The following PCDH17 variants were observed in gnomAD, a reference collection of about 807,000 sequenced individuals.
The protein encoded by PCDH17 is protocadherin-17.
In PCDH17, 21 loss-of-function variants were observed where a neutral mutation model predicts 67.7. That is an observed-to-expected ratio of 0.31 (90% CI 0.22 to 0.45). The LOEUF is 0.45. PCDH17 is among the 20% of genes least tolerant of loss of function. The pLI is 1.00. For synonymous variants in PCDH17, 701 were observed against 656.7 expected (o/e 1.07, Z -1.03); for missense variants, 1,471 against 1,564.8 (o/e 0.94, Z 1.01).
intron 3 of PCDH17, among the ~76,000 whole-genome samples, chr13:57,721,770 C>T (rs1955873822): frequency 6.6e-6 from 1 of 152,000 alleles, no homozygotes; most frequent in African/African-American, 2.4e-5. Context: ...CTTTGTTTTG[C>T]TTCTTTCCCT....
intron 1 of PCDH17, among the ~76,000 whole-genome samples, chr13:57,656,231 T>C (rs1025630715): frequency 1.3e-5 from 2 of 152,174 alleles, no homozygotes; most frequent in Non-Finnish European, 2.9e-5. Flanking sequence ...AGTGACATTA[T>C]AAACATGCAT....
chr13:57,725,006 G>A lies in PCDH17; in HGVS notation c.3192G>A (p.Leu1064=). ...GCTGTGAAGCAAAACCAGGAGCCCT[G>A]GCTGAAGCAAGCAGTCAGTACTTGC... The part of the protein sequence containing the change: ...LDGCEAKPGA[L]AEASSQYLPT... The change falls in exon 4 of 4, where the codon CTG becomes CTA. Residue 1064 remains leucine, a synonymous_variant. Transcript: ENST00000377918. The A allele has an allele frequency of 6.2e-7, 1 of 1,614,166 alleles. No individual in the cohort carries two copies. The highest frequency in any genetic ancestry group is 8.5e-7 in the Non-Finnish European group (1 of 1,180,020).
chr13:57,723,576 A>G (rs1425835337), intron 3 of PCDH17, among the ~76,000 whole-genome samples: 1 of 151,978 alleles, frequency 6.6e-6, no homozygotes, highest in East Asian at 1.9e-4. Flanking sequence ...CCATTACATA[A>G]AGGTAAATTG....
Position 57,634,366 on chromosome 13 carries a change from T to C in PCDH17, c.1820T>C (p.Val607Ala). Reference protein sequence around the residue: ...VPRNAGLGYLVSTVRALDSDF... With the variant: ...VPRNAGLGYLASTVRALDSDF... ...CGCAACGCTGGCCTGGGCTATCTGG[T>C]GAGCACTGTGCGCGCCCTAGACAGC... The change falls in exon 1 of 4, where the codon GTG (valine) becomes GCG (alanine). Residue 607 changes from valine (V) to alanine (A), a missense_variant. By Grantham distance (64) the Val-to-Ala change is moderately conservative. Coordinates refer to ENST00000377918, the MANE Select transcript of PCDH17 (RefSeq NM_001040429.3). The surrounding 1 kb of genome is among the most constrained non-coding windows in gnomAD (Gnocchi z 7.8). 6.2e-7 allele frequency: 1 copy of C among 1,612,556 alleles called. No individual in the cohort carries two copies. Among genetic ancestry groups the C allele is most frequent in the Non-Finnish European group, 8.5e-7 (1 of 1,179,900 alleles).
Position 57,666,484 on chromosome 13 carries a change from C to T in PCDH17, c.2582C>T (p.Ala861Val), listed in dbSNP as rs779599944. ...CTTTCACAGACAGACAATTTTCCCG[C>T]AGAGCCCAATTACATGGGCAGCAGG... ...MSIIQTDNFP[A>V]EPNYMGSRQQ... The change falls in exon 2 of 4, where the codon GCA becomes GTA. Residue 861 changes from alanine (A) to valine (V), a missense_variant. Ala to Val is a moderately conservative substitution (Grantham distance 64, BLOSUM62 0). Around this residue, in one of 3 missense-constraint regions of PCDH17, gnomAD observed 1,163 missense variants for 1,230.0 expected, o/e 0.95. Transcript: ENST00000377918. 1.9e-6 allele frequency: 3 copies of T among 1,613,602 alleles called. No individual in the cohort carries two copies. Among genetic ancestry groups the T allele is most frequent in the East Asian group, 2.2e-5 (1 of 44,882 alleles).
intron 3 of PCDH17, among the ~76,000 whole-genome samples, chr13:57,697,839 ACTC>A (rs1304439848): frequency 6.6e-6 from 1 of 151,336 alleles, no homozygotes; most frequent in Non-Finnish European, 1.5e-5. Flanking sequence ...CAGAACCAAA[ACTC>A]CTAGTTGGGG....
At chr13:57,668,751 CA>C (rs1416695220) in intron 3 of PCDH17, among the ~76,000 whole-genome samples, 3 of 151,930 alleles carry the variant, frequency 2.0e-5, no homozygotes, top group Non-Finnish European at 4.4e-5. Flanking sequence ...TTAGTAAATA[CA>C]GGAAAATTAT....
rs1954736386 is a variant in PCDH17, at chr13:57,632,351, TC to T, written c.-195del. Reference sequence around the variant, plus strand: ...TCTCACCCAGTGCGGATGCTGTAGATCAACAGGTTCAGGGAACTTGAGCAGA... The same window carrying T: ...TCTCACCCAGTGCGGATGCTGTAGATAACAGGTTCAGGGAACTTGAGCAGA... On this transcript the variant is annotated 5_prime_UTR_variant, in exon 1 of 4. Transcript: ENST00000377918. The T allele has an allele frequency of 1.6e-6, 1 of 606,998 alleles. No homozygotes were observed. Among genetic ancestry groups the T allele is most frequent in the African/African-American group, 1.9e-5 (1 of 53,994 alleles). The allele number at this position is 606,998 out of a possible 1,614,324, so 37.6% of individuals were successfully genotyped here. A position where few individuals can be genotyped will look rare whatever the true frequency, so the allele number is the denominator to read the frequency against.
intron 3 of PCDH17, among the ~76,000 whole-genome samples, chr13:57,697,865 TAAATA>T (rs1396072755): frequency 6.6e-6 from 1 of 151,532 alleles, no homozygotes; most frequent in Admixed American, 6.6e-5. Context: ...TACTTCACAT[TAAATA>T]AACTTAAATT....
At chr13:57,651,508 T>TTA (rs1312731891) in intron 1 of PCDH17, among the ~76,000 whole-genome samples, 1 of 152,002 alleles carries the variant, frequency 6.6e-6, no homozygotes, top group African/African-American at 2.4e-5. Flanking sequence ...TGGCTAACTT[T>TTA]TATATTTTTT....
chr13:57,635,132 C>G, intron 1 of PCDH17, 21 bp downstream of exon 1: 20 of 1,610,516 alleles, frequency 1.2e-5, no homozygotes, highest in Non-Finnish European at 1.6e-5. Context: ...TTTAGCATAA[C>G]TGGGAGTTCA....
chr13:57,693,315 CATATATATATATATATAT>C, intron 3 of PCDH17, among the ~76,000 whole-genome samples: 1 of 89,360 alleles, frequency 1.1e-5, no homozygotes, highest in African/African-American at 4.5e-5. Flanking sequence ...CACTTACATT[CATATATATATATATATAT>C]ATATATATAT....
intron 1 of PCDH17, among the ~76,000 whole-genome samples, chr13:57,654,067 A>G (rs1350748717): frequency 1.3e-5 from 2 of 152,318 alleles, no homozygotes; most frequent in African/African-American, 2.4e-5. Flanking sequence ...AGCATAGTGC[A>G]TACATAAAAA....
At chr13:57,687,685 G>C (rs1955520903) in intron 3 of PCDH17, among the ~76,000 whole-genome samples, 1 of 151,774 alleles carries the variant, frequency 6.6e-6, no homozygotes, top group African/African-American at 2.4e-5. Context: ...AAAATATTAT[G>C]ATTAAAATAT....
rs1276786887 is a variant in PCDH17 at position 57,652,067 on chromosome 13, A to T, written c.2566-14401A>T. Among the ~76,000 whole-genome samples the T allele has an allele frequency of 2.6e-5, 4 of 151,692 alleles. No homozygotes were observed. In the East Asian group the frequency reaches 7.8e-4, roughly 30 times the overall value. On this transcript the variant is annotated intron_variant, in intron 1 of 3. Transcript: ENST00000377918. ...GCTGAGGCGGGTGGATCATGAGGTC[A>T]GGAGATCGAGACCATCCTGGCTAAC...
At chr13:57,697,653 T>A (rs1955623582) in intron 3 of PCDH17, among the ~76,000 whole-genome samples, 1 of 151,394 alleles carries the variant, frequency 6.6e-6, no homozygotes. Flanking sequence ...TTCTATAGAG[T>A]CAAAAGTTAA....
chr13:57,632,658 A>T lies in PCDH17; in HGVS notation c.112A>T (p.Ile38Phe), dbSNP rs771208199. 1.2e-6 allele frequency: 2 copies of T among 1,612,498 alleles called. No individual in the cohort carries two copies. The highest frequency in any genetic ancestry group is 1.7e-6 in the Non-Finnish European group (2 of 1,179,938). Residue 38 changes from isoleucine to phenylalanine, a missense_variant, in exon 1 of 4, where the codon ATC becomes TTC. Physicochemically the swap from Ile to Phe is conservative, Grantham distance 21 (BLOSUM62 0). Around this residue, in one of 3 missense-constraint regions of PCDH17, gnomAD observed 1,163 missense variants for 1,230.0 expected, o/e 0.95. Coordinates refer to ENST00000377918, the MANE Select transcript of PCDH17 (RefSeq NM_001040429.3). Reference protein sequence around the residue: ...EQGAGTVIGNIGRDARLQPGL... With the variant: ...EQGAGTVIGNFGRDARLQPGL... ...AGGGGCCGGCACGGTGATCGGGAACATCGGCAGGGATGCTCGACTGCAGCC... is the reference window on the plus strand; with the variant it reads ...AGGGGCCGGCACGGTGATCGGGAACTTCGGCAGGGATGCTCGACTGCAGCC...
At position 57,726,892 on chromosome 13, in the gene PCDH17, T is replaced by G. The variant is rs551145346; in HGVS notation, c.*1598T>G. On this transcript the variant is annotated 3_prime_UTR_variant, in exon 4 of 4. Transcript: ENST00000377918. ...CATGTATGTACCAGCAGTGGTTACT[T>G]GCATTGTGTAGTGTTTTTCAAGAGG... is the stretch of plus-strand genomic sequence containing the variant. 1 of 152,580 alleles carries G rather than the reference T, an allele frequency of 6.6e-6. No homozygotes were observed. Among genetic ancestry groups the G allele is most frequent in the Admixed American group, 6.6e-5 (1 of 15,262 alleles). 9.5% of individuals were successfully genotyped at this position (152,580 alleles called of 1,614,324 possible).
At chr13:57,718,015 T>A (rs746778806) in intron 3 of PCDH17, among the ~76,000 whole-genome samples, 8 of 151,996 alleles carry the variant, frequency 5.3e-5, no homozygotes, top group Admixed American at 3.9e-4. Context: ...ACAAGATATA[T>A]TTTCCTCATT....
Sources: allele counts gnomAD v4.1 joint callset (sites outside exome capture counted in the v4.1 genomes callset), GRCh38; gene constraint gnomAD v4.1.1; regional missense constraint gnomAD v4.1.1; non-coding constraint Gnocchi (gnomAD v3.1); transcripts MANE v1.5; gene names NCBI Gene and HGNC (gene_info 2026-07-23, HGNC 2026-07-21).